The following MYO9A variants were observed in gnomAD, a reference collection of about 807,000 sequenced individuals.
MYO9A encodes the protein unconventional myosin-IXa.
A neutral mutation model predicts 293.3 loss-of-function variants in MYO9A; 103 were observed. The ratio of observed to expected loss-of-function variants is 0.35; its 90% confidence interval spans 0.30 to 0.41. The LOEUF is 0.41. MYO9A is among the 10% of genes least tolerant of loss of function. The pLI is 1.00. For missense variants in MYO9A, 2,685 were observed against 3,033.0 expected (o/e 0.89, Z 2.69); for synonymous variants, 1,001 against 1,035.7 (o/e 0.97, Z 0.64).
At chr15:72,026,275 G>GAAAAAAAAAAAAAAA (rs35491673) in intron 4 of MYO9A, among the ~76,000 whole-genome samples, 1 of 63,474 alleles carries the variant, frequency 1.6e-5, no homozygotes, top group East Asian at 4.4e-4. Flanking sequence ...TCCGTCTCAA[G>GAAAAAAAAAAAAAAA]AAAAAAAAAA....
intron 18 of MYO9A, among the ~76,000 whole-genome samples, chr15:71,929,757 T>G (rs1428817260): frequency 6.6e-6 from 1 of 152,224 alleles, no homozygotes. Context: ...CTGCAATGAA[T>G]GTACAGGTGC....
intron 32 of MYO9A, among the ~76,000 whole-genome samples, chr15:71,869,456 C>G (rs577032840): frequency 1.3e-5 from 2 of 152,084 alleles, no homozygotes; most frequent in East Asian, 1.9e-4. Flanking sequence ...GCCAATGTCA[C>G]GGAAACTAAG....
chr15:71,941,724 T>C (rs73434364), intron 15 of MYO9A, among the ~76,000 whole-genome samples: 11,377 of 152,074 alleles, frequency 0.075, 1,440 homozygotes, highest in African/African-American at 0.26. Flanking sequence ...GAGAATCAAA[T>C]TGCTGAATGC....
intron 4 of MYO9A, among the ~76,000 whole-genome samples, chr15:72,027,070 G>T (rs2077696710): frequency 1.3e-5 from 2 of 152,106 alleles, no homozygotes; most frequent in Non-Finnish European, 2.9e-5. Flanking sequence ...TGTAAAAACT[G>T]GATTTCACCT....
At chr15:72,034,393 A>AT (rs2077976855) in intron 2 of MYO9A, among the ~76,000 whole-genome samples, 1 of 152,226 alleles carries the variant, frequency 6.6e-6, no homozygotes, top group Non-Finnish European at 1.5e-5. Context: ...GTCTTAAGAA[A>AT]TTATTCTATA....
At chr15:72,002,534 AAAG>A (rs999181588) in intron 8 of MYO9A, among the ~76,000 whole-genome samples, 15 of 152,210 alleles carry the variant, frequency 9.9e-5, no homozygotes, top group Non-Finnish European at 2.1e-4. Flanking sequence ...CAACAACAAA[AAAG>A]AAGAATATAG....
chr15:71,842,915 A>AGGTG (rs142023177), intron 39 of MYO9A, among the ~76,000 whole-genome samples: 1,550 of 149,012 alleles, frequency 0.01, 28 homozygotes, highest in African/African-American at 0.037. Flanking sequence ...TTGTGTATGC[A>AGGTG]TGTGTGTGTG....
At chr15:71,891,906 A>G (rs2057189796) in intron 26 of MYO9A, 1 of 152,202 alleles carries the variant, frequency 6.6e-6, no homozygotes, top group South Asian at 2.1e-4. Flanking sequence ...AACAGTTCAA[A>G]GATAGAATAT....
rs1202328203 is a variant in MYO9A at position 71,899,026 on chromosome 15, T to C, written c.3477A>G (p.Lys1159=). 1.3e-6 allele frequency: 2 copies of C among 1,593,112 alleles called. No homozygotes were observed. Among genetic ancestry groups the C allele is most frequent in the Non-Finnish European group, 1.7e-6 (2 of 1,170,212 alleles). ...CTCTTAGCCTTTGTTCTTTTAAAGC[T>C]TTAAATCTATATAAAAACAGACAAA... ...CRGFRARQRF[K]ALKEQRLRET... The change falls in exon 25 of 42, where the codon AAA becomes AAG. Residue 1159 remains lysine, a synonymous_variant. Coordinates refer to ENST00000356056, the MANE Select transcript of MYO9A (RefSeq NM_006901.4).
chr15:71,822,599 A>C lies in MYO9A; in HGVS notation c.*3981T>G, dbSNP rs2054318465. On this transcript the variant is annotated 3_prime_UTR_variant, in exon 42 of 42. Coordinates refer to ENST00000356056, the MANE Select transcript of MYO9A (RefSeq NM_006901.4). ...TCCTTTTATAATACAGTTTTTAAAA[A>C]AAATTTACACTCAGCATACTTATAA... is the stretch of plus-strand genomic sequence containing the variant. 1 of 152,228 alleles carries C rather than the reference A, an allele frequency of 6.6e-6. No individual in the cohort carries two copies. Among genetic ancestry groups the C allele is most frequent in the South Asian group, 2.1e-4 (1 of 4,826 alleles). 9.4% of individuals were successfully genotyped at this position (152,228 alleles called of 1,614,324 possible). A position where few individuals can be genotyped will look rare whatever the true frequency, so the allele number is the denominator to read the frequency against.
chr15:72,023,849 A>G (rs1209640675), intron 4 of MYO9A, among the ~76,000 whole-genome samples: 1 of 152,214 alleles, frequency 6.6e-6, no homozygotes, highest in African/African-American at 2.4e-5. Flanking sequence ...CATCCAAGAA[A>G]TTCAATGAAC....
In MYO9A at chr15:71,897,786, C is replaced by T. The variant is rs767455652; in HGVS notation, c.4717G>A (p.Val1573Ile). 7 of 1,613,928 alleles carry T rather than the reference C, an allele frequency of 4.3e-6. No individual in the cohort carries two copies. Among genetic ancestry groups the T allele is most frequent in the African/African-American group, 2.7e-5 (2 of 74,898 alleles). ...LNTSNKGELN[V>I]LGSLSLKDAA... ...TCTTTTAATGATAGGGACCCCAGTA[C>T]ATTAAGTTCTCCCTTATTTGAGGTA... The change falls in exon 25 of 42, where the codon GTA becomes ATA. Residue 1573 changes from valine to isoleucine, a missense_variant. Coordinates refer to ENST00000356056, the MANE Select transcript of MYO9A (RefSeq NM_006901.4).
Position 71,878,117 on chromosome 15 carries a change from C to T in MYO9A, c.5854G>A (p.Val1952Ile). 6.2e-7 allele frequency: 1 copy of T among 1,612,102 alleles called. No homozygotes were observed. The highest frequency in any genetic ancestry group is 8.5e-7 in the Non-Finnish European group (1 of 1,179,398). Residue 1952 changes from valine to isoleucine, a missense_variant, in exon 31 of 42, where the codon GTT becomes ATT. By Grantham distance (29) the Val-to-Ile change is conservative. This residue lies in a region of MYO9A where 1,434 missense variants were observed against 1,497.7 expected (regional missense o/e 0.96). Coordinates refer to ENST00000356056, the MANE Select transcript of MYO9A (RefSeq NM_006901.4). Reference protein sequence around the residue: ...RDSLGESPVRVWVNTFKVFLD... With the variant: ...RDSLGESPVRIWVNTFKVFLD... ...AACACTTTAAAAGTGTTGACCCAAACTCTCACTGGAGATTCACCCAGTGAA... is the reference window on the plus strand; with the variant it reads ...AACACTTTAAAAGTGTTGACCCAAATTCTCACTGGAGATTCACCCAGTGAA...
chr15:71,982,005 ATTTTTTTTTT>A (rs750930471), intron 11 of MYO9A, among the ~76,000 whole-genome samples: 17 of 56,310 alleles, frequency 3.0e-4, no homozygotes, highest in African/African-American at 8.7e-4. Flanking sequence ...CCTATTTAGA[ATTTTTTTTTT>A]TTTTTTTTTT....
intron 1 of MYO9A, among the ~76,000 whole-genome samples, chr15:72,097,318 G>GC: frequency 6.6e-6 from 1 of 152,274 alleles, no homozygotes; most frequent in African/African-American, 2.4e-5. Context: ...CCACCATGAA[G>GC]TAAAGAACCT....
At chr15:71,862,239 T>C (rs530176791) in intron 33 of MYO9A, among the ~76,000 whole-genome samples, 19 of 152,254 alleles carry the variant, frequency 1.2e-4, no homozygotes, top group Admixed American at 7.2e-4. Flanking sequence ...CATGAAGTAA[T>C]TGAAATATTA....
chr15:71,865,370 C>A (rs1201681438), intron 32 of MYO9A, among the ~76,000 whole-genome samples: 1 of 152,132 alleles, frequency 6.6e-6, no homozygotes, highest in Non-Finnish European at 1.5e-5. Context: ...ATTTTCATAG[C>A]AGCATTATTC....
rs145744210 is a variant in MYO9A at position 71,826,210 on chromosome 15, A to ATGTC, written c.*366_*369dup. 899 of 180,626 alleles carry ATGTC rather than the reference A, an allele frequency of 5.0e-3. 12 individuals are homozygous for ATGTC. Among genetic ancestry groups the ATGTC allele is most frequent in the African/African-American group, 0.02 (838 of 42,590 alleles). The allele number at this position is 180,626 out of a possible 1,614,324, so 11.2% of individuals were successfully genotyped here. A position where few individuals can be genotyped will look rare whatever the true frequency, so the allele number is the denominator to read the frequency against. ...AGAAAGATTTATACGTTTTCTTCAA[A>ATGTC]TGTCAGAAATGAGAGGGTCCCTCAG... is the stretch of plus-strand genomic sequence containing the variant. On this transcript the variant is annotated 3_prime_UTR_variant, in exon 42 of 42. Coordinates refer to ENST00000356056, the MANE Select transcript of MYO9A (RefSeq NM_006901.4).
chr15:71,827,842 G>C (rs2054571192), intron 41 of MYO9A, 42 bp downstream of exon 41: 1 of 1,570,740 alleles, frequency 6.4e-7, no homozygotes, highest in African/African-American at 1.4e-5. Context: ...TTCCTCCTTT[G>C]CAAAACAAAT....
Sources: allele counts gnomAD v4.1 joint callset (sites outside exome capture counted in the v4.1 genomes callset), GRCh38; gene constraint gnomAD v4.1.1; regional missense constraint gnomAD v4.1.1; transcripts MANE v1.5; gene names NCBI Gene and HGNC (gene_info 2026-07-23, HGNC 2026-07-21).